The following SHISA9 variants were observed in gnomAD, a reference collection of about 807,000 sequenced individuals.
The protein encoded by SHISA9 is protein shisa-9.
In SHISA9, 13 loss-of-function variants were observed where a neutral mutation model predicts 38.0. The ratio of observed to expected loss-of-function variants is 0.34; its 90% CI spans 0.22 to 0.54. SHISA9 has a LOEUF of 0.54. SHISA9 is among the 20% of genes least tolerant of loss of function. The probability of loss-of-function intolerance (pLI) is 0.91; values close to 1 mark genes in which losing one functional copy is unlikely to be tolerated. For missense variants in SHISA9, 538 were observed against 575.8 expected (o/e 0.93, Z 0.67); for synonymous variants, 275 against 242.0 (o/e 1.14, Z -1.27).
chr16:12,994,505 T>G (rs1243301853), intron 2 of SHISA9, among the ~76,000 whole-genome samples: 2 of 152,152 alleles, frequency 1.3e-5, no homozygotes, highest in Non-Finnish European at 2.9e-5. Context: ...TTACTTGCCA[T>G]GAGAATGACA....
the SHISA9 span, among the ~76,000 whole-genome samples, chr16:13,528,660 A>G: frequency 6.6e-6 from 1 of 152,164 alleles, no homozygotes; most frequent in African/African-American, 2.4e-5. Flanking sequence ...GCCTCTTCGT[A>G]CATAAATGAC....
intron 2 of SHISA9, among the ~76,000 whole-genome samples, chr16:13,173,956 T>G (rs2050710359): frequency 6.6e-6 from 1 of 152,038 alleles, no homozygotes; most frequent in Non-Finnish European, 1.5e-5. Flanking sequence ...TCTGGGAAAC[T>G]TAATGCTGAC....
At chr16:13,143,658 G>A (rs555462048) in intron 2 of SHISA9, among the ~76,000 whole-genome samples, 44 of 152,256 alleles carry the variant, frequency 2.9e-4, no homozygotes, top group African/African-American at 9.9e-4. Flanking sequence ...TTCCATTGAA[G>A]ACAAGAGCCA....
chr16:13,322,556 G>T, the SHISA9 span, among the ~76,000 whole-genome samples: 2 of 152,154 alleles, frequency 1.3e-5, no homozygotes, highest in Admixed American at 6.5e-5. Context: ...TTGAAGGTTA[G>T]CAGGGGTGCT....
At chr16:13,300,331 T>C in the SHISA9 span, among the ~76,000 whole-genome samples, 1 of 152,126 alleles carries the variant, frequency 6.6e-6, no homozygotes, top group African/African-American at 2.4e-5. Flanking sequence ...AGAATCAATT[T>C]TGGGAGTTTC....
intron 3 of SHISA9, 109 bp from the exon 4 acceptor site, chr16:13,213,144 G>T (rs2051135974): frequency 2.2e-6 from 2 of 923,088 alleles, no homozygotes; most frequent in Admixed American, 4.2e-5. Flanking sequence ...GCCTGTCCCT[G>T]CTTGGAGGCT....
At chr16:12,966,132 A>G (rs992005630) in intron 2 of SHISA9, among the ~76,000 whole-genome samples, 1 of 152,222 alleles carries the variant, frequency 6.6e-6, no homozygotes, top group Admixed American at 6.5e-5. Flanking sequence ...GTCTCTAAAC[A>G]TTGCCAGATG....
At chr16:13,222,809 TATACATACACAC>T (rs775150722) in intron 4 of SHISA9, among the ~76,000 whole-genome samples, 78 of 76,562 alleles carry the variant, frequency 1.0e-3, no homozygotes, top group African/African-American at 4.4e-3. Context: ...TATATATATA[TATACATACACAC>T]ACCACAAGGT....
At chr16:13,062,129 A>G (rs968059361) in intron 2 of SHISA9, among the ~76,000 whole-genome samples, 3 of 152,120 alleles carry the variant, frequency 2.0e-5, no homozygotes, top group Non-Finnish European at 2.9e-5. Context: ...TGAATCTCAG[A>G]CAAACAACGG....
intron 2 of SHISA9, among the ~76,000 whole-genome samples, chr16:13,019,877 TCCCTC>T (rs1567184032): frequency 2.4e-4 from 8 of 33,444 alleles, no homozygotes; most frequent in East Asian, 1.9e-3. Context: ...CCTCCCTCCC[TCCCTC>T]CCTTCTTTCT....
At chr16:13,109,163 A>T (rs563924823) in intron 2 of SHISA9, among the ~76,000 whole-genome samples, 1 of 152,228 alleles carries the variant, frequency 6.6e-6, no homozygotes, top group East Asian at 1.9e-4. Flanking sequence ...AGTAGCCGAG[A>T]CTACAGATAT....
chr16:12,982,641 G>A (rs1188634654), intron 2 of SHISA9, among the ~76,000 whole-genome samples: 1 of 152,152 alleles, frequency 6.6e-6, no homozygotes, highest in Non-Finnish European at 1.5e-5. Flanking sequence ...ACCATCTCCA[G>A]AACATCTCCC....
the SHISA9 span, among the ~76,000 whole-genome samples, chr16:13,509,283 G>A: frequency 2.0e-5 from 3 of 147,880 alleles, no homozygotes; most frequent in South Asian, 2.2e-4. Context: ...AAAAAAAAAA[G>A]AAAAAATTAG....
At chr16:13,504,813 G>A in the SHISA9 span, among the ~76,000 whole-genome samples, 13 of 152,218 alleles carry the variant, frequency 8.5e-5, no homozygotes, top group South Asian at 1.7e-3. Context: ...TATTGTTCTC[G>A]TCTGTGATTC....
At chr16:12,911,985 G>A (rs2071190150) in intron 1 of SHISA9, among the ~76,000 whole-genome samples, 1 of 152,158 alleles carries the variant, frequency 6.6e-6, no homozygotes, top group Admixed American at 6.5e-5. Flanking sequence ...TCCCCTTTGG[G>A]GGCACATATA....
the SHISA9 span, among the ~76,000 whole-genome samples, chr16:13,394,053 G>A: frequency 2.2e-4 from 33 of 152,162 alleles, no homozygotes; most frequent in African/African-American, 7.7e-4. Context: ...TTGCCTTGGC[G>A]GATGGAACTT....
the SHISA9 span, among the ~76,000 whole-genome samples, chr16:13,263,504 C>T: frequency 6.6e-6 from 1 of 152,192 alleles, no homozygotes; most frequent in Non-Finnish European, 1.5e-5. Context: ...TAAGACATCC[C>T]TGCTACCTCT....
In SHISA9 at chr16:13,203,240, T is replaced by G. The variant is rs562219454; in HGVS notation, c.692-154T>G. 12 of 594,228 alleles carry G rather than the reference T, an allele frequency of 2.0e-5. No individual in the cohort carries two copies. The East Asian group carries it at 3.8e-4, about 19-fold the overall frequency. The allele number at this position is 594,228 out of a possible 1,614,324, so 36.8% of individuals were successfully genotyped here. On this transcript the variant is annotated intron_variant, in intron 2 of 4. Coordinates refer to ENST00000558583, the MANE Select transcript of SHISA9 (RefSeq NM_001145204.3). ...TCTCCAGTGAAGACTATGAACTCAA[T>G]TGTGTCCCATGTATCTGTGAACCCT...
chr16:13,450,948 C>T, the SHISA9 span, among the ~76,000 whole-genome samples: 1 of 152,318 alleles, frequency 6.6e-6, no homozygotes, highest in South Asian at 2.1e-4. Context: ...AGTGTCCCCT[C>T]TTTTTCCTCT....
Sources: gnomAD v4.1 joint callset for allele counts (sites outside exome capture counted in the v4.1 genomes callset) on GRCh38, gnomAD v4.1.1 for gene constraint, MANE v1.5 for transcripts, NCBI Gene and HGNC (gene_info 2026-07-23, HGNC 2026-07-21) for gene names.